Variants in RFX7 observed in about 807,000 individuals in gnomAD.
RFX7 encodes the protein regulatory factor X7, also known as DNA-binding protein RFX7.
In RFX7, 26 loss-of-function variants were observed where a neutral mutation model predicts 111.8. That is an observed-to-expected ratio of 0.23 (90% CI 0.17 to 0.32). The LOEUF (loss-of-function observed/expected upper bound fraction) is 0.32, where lower values mean the gene tolerates loss of function less well. RFX7 is among the 10% of genes least tolerant of loss of function. The probability of loss-of-function intolerance (pLI) is 1.00; values close to 1 mark genes in which losing one functional copy is unlikely to be tolerated. For missense variants in RFX7, 1,573 were observed against 1,772.9 expected (o/e 0.89, Z 2.02); for synonymous variants, 624 against 624.4 (o/e 1.00, Z 0.01).
At chr15:56,154,279 T>C (rs2042618292) in intron 3 of RFX7, among the ~76,000 whole-genome samples, 1 of 152,148 alleles carries the variant, frequency 6.6e-6, no homozygotes, top group East Asian at 1.9e-4. Flanking sequence ...TGGAAAAAAC[T>C]ACTTTAAACT....
intron 2 of RFX7, among the ~76,000 whole-genome samples, chr15:56,220,510 C>T (rs982709789): frequency 1.3e-5 from 2 of 151,744 alleles, no homozygotes; most frequent in South Asian, 2.1e-4. Flanking sequence ...GGGATTACAG[C>T]GGGAGCCACC....
At chr15:56,187,540 A>G (rs1274340998) in intron 2 of RFX7, among the ~76,000 whole-genome samples, 1 of 146,818 alleles carries the variant, frequency 6.8e-6, no homozygotes, top group African/African-American at 2.4e-5. Context: ...GGCAATGGTC[A>G]CTTAGACTGA....
intron 2 of RFX7, among the ~76,000 whole-genome samples, chr15:56,194,862 CA>C (rs1451528699): frequency 1.3e-5 from 2 of 151,994 alleles, no homozygotes; most frequent in Admixed American, 6.5e-5. Flanking sequence ...GACATATCTT[CA>C]AAAAGCTAAA....
intron 3 of RFX7, among the ~76,000 whole-genome samples, chr15:56,162,740 A>C (rs1248066924): frequency 6.6e-6 from 1 of 152,108 alleles, no homozygotes; most frequent in Non-Finnish European, 1.5e-5. Context: ...TAAAAGGTTC[A>C]CAATCCTTTA....
chr15:56,149,789 T>C (rs190162211), intron 3 of RFX7, among the ~76,000 whole-genome samples: 99 of 151,368 alleles, frequency 6.5e-4, no homozygotes, highest in African/African-American at 2.1e-3. Context: ...GACACCGAAC[T>C]AGATGCAGGA....
chr15:56,201,523 A>T (rs1387232461), intron 2 of RFX7, among the ~76,000 whole-genome samples: 1 of 152,226 alleles, frequency 6.6e-6, no homozygotes, highest in Admixed American at 6.5e-5. Context: ...AGAGAGGAAG[A>T]TACCAAAACT....
intron 6 of RFX7, 37 bp from the exon 7 acceptor site, chr15:56,102,290 A>G (rs763943680): frequency 7.7e-7 from 1 of 1,304,020 alleles, no homozygotes; most frequent in Non-Finnish European, 1.1e-6. Context: ...TCAAAATTAA[A>G]TGAATTGCTT....
intron 5 of RFX7, among the ~76,000 whole-genome samples, chr15:56,120,044 A>C (rs1478936141): frequency 6.6e-6 from 1 of 152,124 alleles, no homozygotes; most frequent in Non-Finnish European, 1.5e-5. Flanking sequence ...TTCTGTGCAG[A>C]ATGTCATTGG....
chr15:56,145,324 T>C (rs1199673078), intron 3 of RFX7, among the ~76,000 whole-genome samples: 2 of 152,192 alleles, frequency 1.3e-5, no homozygotes, highest in Admixed American at 1.3e-4. Context: ...ATTACTGGCA[T>C]TCCTGGTAGA....
chr15:56,110,071 G>A (rs2041894660), intron 5 of RFX7, among the ~76,000 whole-genome samples: 2 of 125,560 alleles, frequency 1.6e-5, no homozygotes, highest in African/African-American at 6.3e-5. Flanking sequence ...CCAGCCAGCC[G>A]CCCCGTCTGG....
At chr15:56,139,443 T>C (rs1254476412) in intron 5 of RFX7, among the ~76,000 whole-genome samples, 2 of 152,250 alleles carry the variant, frequency 1.3e-5, no homozygotes, top group Non-Finnish European at 2.9e-5. Context: ...CACGTAGCTC[T>C]CGAACCTTGG....
chr15:56,234,113 G>A (rs1348176125), intron 2 of RFX7, among the ~76,000 whole-genome samples: 1 of 152,172 alleles, frequency 6.6e-6, no homozygotes, highest in Non-Finnish European at 1.5e-5. Flanking sequence ...AATTTTGTCA[G>A]TAAAAATATT....
chr15:56,095,293 T>C lies in RFX7; in HGVS notation c.2435A>G (p.Asp812Gly), dbSNP rs749729765. The change falls in exon 10 of 10, where the codon GAT (aspartate) becomes GGT (glycine). Residue 812 changes from aspartate (D) to glycine (G), a missense_variant. Physicochemically the swap from Asp to Gly is moderately conservative, Grantham distance 94 (BLOSUM62 -1). Around this residue, in one of 7 missense-constraint regions of RFX7, gnomAD observed 625 missense variants for 632.2 expected, o/e 0.99. Coordinates refer to ENST00000559447, the MANE Select transcript of RFX7 (RefSeq NM_022841.7). ...AACAGATTTCTCTAAGTCATTGATATCAGAGTGCTCAGGAATTGTCATAAC... is the reference window on the plus strand; with the variant it reads ...AACAGATTTCTCTAAGTCATTGATACCAGAGTGCTCAGGAATTGTCATAAC... ...ISVMTIPEHS[D>G]INDLEKSVWE... 1.2e-6 allele frequency: 2 copies of C among 1,613,984 alleles called. No homozygotes were observed. The highest frequency in any genetic ancestry group is 1.7e-6 in the Non-Finnish European group (2 of 1,179,860).
chr15:56,101,701 G>T, intron 7 of RFX7, 135 bp from the exon 8 acceptor site: 1 of 789,330 alleles, frequency 1.3e-6, no homozygotes, highest in Non-Finnish European at 2.0e-6. Context: ...TTGACCCACT[G>T]GCAGACATAT....
chr15:56,125,613 G>C (rs1180328836), intron 5 of RFX7, among the ~76,000 whole-genome samples: 1 of 23,310 alleles, frequency 4.3e-5, no homozygotes, highest in African/African-American at 1.9e-4. Context: ...GTGTGTGAGT[G>C]TGTGTGTGTG....
At chr15:56,165,357 C>G (rs2141096002) in intron 3 of RFX7, among the ~76,000 whole-genome samples, 1 of 152,326 alleles carries the variant, frequency 6.6e-6, no homozygotes, top group African/African-American at 2.4e-5. Flanking sequence ...GACTTCTCCC[C>G]TGGAAGGAAC....
chr15:56,133,734 G>A (rs1241292899), intron 5 of RFX7, among the ~76,000 whole-genome samples: 2 of 151,966 alleles, frequency 1.3e-5, no homozygotes, highest in Admixed American at 1.3e-4. Context: ...CTAATACTTT[G>A]ATCTACATTT....
intron 3 of RFX7, among the ~76,000 whole-genome samples, chr15:56,166,678 G>T (rs1271875192): frequency 6.6e-6 from 1 of 152,100 alleles, no homozygotes; most frequent in African/African-American, 2.4e-5. Context: ...CACAAATAAG[G>T]TTGATGACAT....
chr15:56,140,266 A>G (rs2042371649), intron 5 of RFX7, among the ~76,000 whole-genome samples: 1 of 152,160 alleles, frequency 6.6e-6, no homozygotes, highest in Admixed American at 6.5e-5. Context: ...GCAATCAGTG[A>G]GACTCCATGG....
Sources: allele counts gnomAD v4.1 joint callset (sites outside exome capture counted in the v4.1 genomes callset), GRCh38; gene constraint gnomAD v4.1.1; regional missense constraint gnomAD v4.1.1; transcripts MANE v1.5; gene names NCBI Gene and HGNC (gene_info 2026-07-23, HGNC 2026-07-21).